KIAA1549L: variants seen among roughly 807,000 people sequenced by gnomAD.
KIAA1549L encodes the protein KIAA1549 like, also known as UPF0606 protein KIAA1549L.
KIAA1549L carries 88 observed loss-of-function variants against 160.7 expected under a neutral mutation model. The observed-to-expected ratio is 0.55, with a 90% confidence interval of 0.46 to 0.65. KIAA1549L has a LOEUF of 0.65. Among genes scored for constraint, KIAA1549L ranks in the 30% least tolerant of loss-of-function variants. The pLI is 0.00. For missense variants in KIAA1549L, 2,258 were observed against 2,437.5 expected (o/e 0.93, Z 1.55); for synonymous variants, 950 against 976.7 (o/e 0.97, Z 0.51).
At chr11:33,411,961 G>A (rs1050672472) in intron 1 of KIAA1549L, among the ~76,000 whole-genome samples, 3 of 152,176 alleles carry the variant, frequency 2.0e-5, no homozygotes, top group Non-Finnish European at 2.9e-5. Context: ...CATTCTAGCC[G>A]CTCACAGGAT....
chr11:33,667,415 C>T (rs1211824889), intron 20 of KIAA1549L, among the ~76,000 whole-genome samples: 6 of 149,434 alleles, frequency 4.0e-5, no homozygotes, highest in South Asian at 2.1e-4. Flanking sequence ...TTTTTTGAGA[C>T]GGAGTCTCAC....
intron 17 of KIAA1549L, among the ~76,000 whole-genome samples, chr11:33,650,733 C>G (rs1851860356): frequency 6.6e-6 from 1 of 152,180 alleles, no homozygotes; most frequent in Non-Finnish European, 1.5e-5. Context: ...TTCTCTTGCT[C>G]AAGCACACGT....
At chr11:33,403,444 C>G (rs1372654581) in intron 1 of KIAA1549L, 1 of 114,014 alleles carries the variant, frequency 8.8e-6, no homozygotes, top group East Asian at 3.2e-4. Flanking sequence ...GACATACATG[C>G]AGACACACAC....
At chr11:33,385,283 G>A (rs933686002) in intron 1 of KIAA1549L, among the ~76,000 whole-genome samples, 4 of 152,040 alleles carry the variant, frequency 2.6e-5, no homozygotes, top group Non-Finnish European at 5.9e-5. Context: ...CTGTTCTATT[G>A]TACTTCTCTC....
At chr11:33,526,577 A>G (rs983622795) in intron 1 of KIAA1549L, among the ~76,000 whole-genome samples, 4 of 152,146 alleles carry the variant, frequency 2.6e-5, no homozygotes, top group Non-Finnish European at 5.9e-5. Flanking sequence ...GGCAATAACA[A>G]TCACTGCAGT....
intron 20 of KIAA1549L, among the ~76,000 whole-genome samples, chr11:33,662,968 C>A (rs555974739): frequency 6.6e-6 from 1 of 152,230 alleles, no homozygotes; most frequent in Non-Finnish European, 1.5e-5. Context: ...AAGATGATTG[C>A]TGCAGCCTAA....
chr11:33,622,115 G>T (rs1050662790), intron 16 of KIAA1549L, among the ~76,000 whole-genome samples: 1 of 152,068 alleles, frequency 6.6e-6, no homozygotes, highest in African/African-American at 2.4e-5. Flanking sequence ...TCAAAGAGGC[G>T]ATCACAGTCA....
In KIAA1549L at chr11:33,583,314, C is replaced by A; in HGVS notation, c.4403-24C>A. 3 of 1,586,598 alleles carry A rather than the reference C, an allele frequency of 1.9e-6. No individual in the cohort carries two copies. The South Asian group carries it at 3.5e-5, about 18-fold the overall frequency. On this transcript the variant is annotated intron_variant, in intron 10 of 20. Transcript: ENST00000658780. ...TCTTCCCAGTGTTGCTTGTCATGTC[C>A]CTCCTGCTGGCTCTTTCCCACAGCC...
Position 33,414,842 on chromosome 11 carries a change from A to T in KIAA1549L, c.238+37953A>T, listed in dbSNP as rs186987598. On this transcript the variant is annotated intron_variant, in intron 1 of 20. Coordinates refer to ENST00000658780, the MANE Select transcript of KIAA1549L (RefSeq NM_012194.3). ...GAGAGTGTGTGAGTGAGTGTGTGTG[A>T]GAGAGAGAGAGACCTATTCATGTCC... 3.7e-3 allele frequency among the ~76,000 whole-genome samples: 555 copies of T among 151,496 alleles called. 6 individuals are homozygous for T. The highest frequency in any genetic ancestry group is 0.01 in the African/African-American group (427 of 41,292).
intron 1 of KIAA1549L, among the ~76,000 whole-genome samples, chr11:33,533,146 T>C (rs1263580909): frequency 6.6e-6 from 1 of 152,196 alleles, no homozygotes; most frequent in Non-Finnish European, 1.5e-5. Flanking sequence ...GCCAGATCAG[T>C]ACATGTGCAC....
chr11:33,619,867 C>G (rs1850912857), intron 16 of KIAA1549L, among the ~76,000 whole-genome samples: 1 of 152,110 alleles, frequency 6.6e-6, no homozygotes, highest in Non-Finnish European at 1.5e-5. Context: ...TGATAATCAG[C>G]CTGTGATTAA....
chr11:33,435,800 A>ATATATGTGTGTG (rs1565135897), intron 1 of KIAA1549L, among the ~76,000 whole-genome samples: 103 of 12,774 alleles, frequency 8.1e-3, no homozygotes, highest in Non-Finnish European at 0.011. Context: ...ATATATATAT[A>ATATATGTGTGTG]TATATATATA....
At chr11:33,457,090 A>G (rs890189620) in intron 1 of KIAA1549L, among the ~76,000 whole-genome samples, 1 of 152,164 alleles carries the variant, frequency 6.6e-6, no homozygotes, top group Non-Finnish European at 1.5e-5. Flanking sequence ...CCGGCTGGGT[A>G]TGGGGTCCTT....
At chr11:33,527,655 A>G (rs999749144) in intron 1 of KIAA1549L, among the ~76,000 whole-genome samples, 1 of 152,202 alleles carries the variant, frequency 6.6e-6, no homozygotes, top group East Asian at 1.9e-4. Context: ...AGCCCACAGA[A>G]TGTGAGAAAA....
intron 1 of KIAA1549L, among the ~76,000 whole-genome samples, chr11:33,382,733 A>G (rs1036888051): frequency 1.3e-5 from 2 of 152,124 alleles, no homozygotes; most frequent in Non-Finnish European, 2.9e-5. Context: ...CTTGCCTCCC[A>G]TCTCATCCTT....
intron 1 of KIAA1549L, among the ~76,000 whole-genome samples, chr11:33,388,400 TG>T (rs1158167685): frequency 2.0e-5 from 3 of 152,110 alleles, no homozygotes; most frequent in Non-Finnish European, 4.4e-5. Flanking sequence ...CCACAATGCA[TG>T]GGGATTATGG....
chr11:33,439,333 A>G (rs1257205339), intron 1 of KIAA1549L, among the ~76,000 whole-genome samples: 1 of 152,102 alleles, frequency 6.6e-6, no homozygotes, highest in Non-Finnish European at 1.5e-5. Context: ...CATGCATAGG[A>G]TATATACTGA....
At chr11:33,496,580 T>C (rs1852825636) in intron 1 of KIAA1549L, among the ~76,000 whole-genome samples, 1 of 152,150 alleles carries the variant, frequency 6.6e-6, no homozygotes, top group Non-Finnish European at 1.5e-5. Flanking sequence ...CTACCACTCT[T>C]CATGCTCAAT....
intron 20 of KIAA1549L, among the ~76,000 whole-genome samples, chr11:33,662,655 C>T (rs568152054): frequency 9.8e-5 from 15 of 152,306 alleles, no homozygotes; most frequent in Middle Eastern, 3.4e-3. Flanking sequence ...AATTCCCTTA[C>T]GCCTGCAGCT....
Sources: allele counts gnomAD v4.1 joint callset (sites outside exome capture counted in the v4.1 genomes callset), GRCh38; gene constraint gnomAD v4.1.1; transcripts MANE v1.5; gene names NCBI Gene and HGNC (gene_info 2026-07-23, HGNC 2026-07-21).